The following AK8 variants were observed in gnomAD, a reference collection of about 807,000 sequenced individuals.
AK8 encodes the protein ATP-AMP transphosphorylase 8.
AK8 carries 44 observed loss-of-function variants against 54.6 expected under a neutral mutation model. The ratio of observed to expected loss-of-function variants is 0.81; its 90% CI spans 0.63 to 1.04. AK8 has a LOEUF of 1.04. Ranked by LOEUF, AK8 falls within the 50% of genes least tolerant of loss-of-function variation. The pLI is 0.00. For missense variants in AK8, 555 were observed against 613.6 expected, an observed-to-expected ratio of 0.90 and a Z score of 1.01; for synonymous variants, 239 against 245.6, an observed-to-expected ratio of 0.97 and a Z score of 0.25.
At chr9:132,809,430 A>T (rs1469719690) in intron 10 of AK8, among the ~76,000 whole-genome samples, 1 of 152,092 alleles carries the variant, frequency 6.6e-6, no homozygotes, top group African/African-American at 2.4e-5. Flanking sequence ...TCACTCCACG[A>T]CAGGCCAAGT....
Position 132,878,252 on chromosome 9 carries a change from C to T in AK8, c.4G>A (p.Asp2Asn), listed in dbSNP as rs377315557. M[D>N]ATIAPHRIPP... is the part of the protein sequence containing the mutation. ...ATACGGTGCGGGGCGATAGTGGCGT[C>T]CATGTAGCCGTCTCGGCTCGCCGCT... Residue 2 changes from aspartate (D) to asparagine (N), a missense_variant, in exon 1 of 13, where the codon GAC becomes AAC. Coordinates refer to ENST00000298545, the MANE Select transcript of AK8 (RefSeq NM_152572.3). The surrounding 1 kb of genome is among the most constrained non-coding windows in gnomAD (Gnocchi z 4.7). The T allele has an allele frequency of 4.3e-6, 6 of 1,385,652 alleles. No individual in the cohort carries two copies. In the African/African-American group the frequency reaches 9.0e-5, roughly 21 times the overall value. The allele number at this position is 1,385,652 out of a possible 1,614,324, so 85.8% of individuals were successfully genotyped here. A position where few individuals can be genotyped will look rare whatever the true frequency, so the allele number is the denominator to read the frequency against.
At chr9:132,736,882 G>C (rs1232658519) in intron 11 of AK8, among the ~76,000 whole-genome samples, 1 of 151,348 alleles carries the variant, frequency 6.6e-6, no homozygotes, top group Non-Finnish European at 1.5e-5. Flanking sequence ...AGATACAAAA[G>C]GACAAACATT....
intron 11 of AK8, among the ~76,000 whole-genome samples, chr9:132,735,994 G>A (rs895459932): frequency 5.3e-5 from 8 of 152,148 alleles, no homozygotes; most frequent in East Asian, 1.9e-4. Flanking sequence ...GCATGTTACC[G>A]CACTGAATAC....
chr9:132,761,259 C>CTTT lies in AK8; in HGVS notation c.1121+31372_1121+31374dup, dbSNP rs202041016. The stretch of plus-strand genomic sequence containing the variant: ...GGATTTTCTATTTCTTTTTTCTTTT[C>CTTT]TTTTCTTTTCTTTTTTTTTTTTTTT... On this transcript the variant is annotated intron_variant, in intron 11 of 12. Coordinates refer to ENST00000298545, the MANE Select transcript of AK8 (RefSeq NM_152572.3). Among the ~76,000 whole-genome samples, 76 of 133,310 alleles carry CTTT rather than the reference C, an allele frequency of 5.7e-4. 1 individual carries two copies. Among genetic ancestry groups the CTTT allele is most frequent in the African/African-American group, 1.7e-3 (51 of 29,560 alleles). The allele number at this position is 133,310 out of a possible 152,430, so 87.5% of individuals were successfully genotyped here.
At position 132,762,271 on chromosome 9, in the gene AK8, C is replaced by T. The variant is rs533531254; in HGVS notation, c.1121+30363G>A. ...TCTACCCAAGCTCTGTTAACTATTC[C>T]ATTGGTTTCTGTTCTCTCTCCAGCT... On this transcript the variant is annotated intron_variant, in intron 11 of 12. Transcript: ENST00000298545. Among the ~76,000 whole-genome samples, 5 of 152,244 alleles carry T rather than the reference C, an allele frequency of 3.3e-5. No homozygotes were observed. In the South Asian group the frequency reaches 1.0e-3, roughly 32 times the overall value.
intron 2 of AK8, among the ~76,000 whole-genome samples, chr9:132,872,388 T>C (rs948745248): frequency 2.0e-5 from 3 of 152,298 alleles, no homozygotes; most frequent in African/African-American, 7.2e-5. Flanking sequence ...AGGGCATGCA[T>C]GATTTTCAAA....
chr9:132,790,255 C>CT lies in AK8; in HGVS notation c.1121+2378dup, dbSNP rs769817268. ...GATTTTAAATCACGGAGCTATACTT[C>CT]TTTTTTTTTTTTTGAGACGGAGTCT... On this transcript the variant is annotated intron_variant, in intron 11 of 12. Coordinates refer to ENST00000298545, the MANE Select transcript of AK8 (RefSeq NM_152572.3). The surrounding 1 kb of genome is among the most constrained non-coding windows in gnomAD (Gnocchi z 4.1). Among the ~76,000 whole-genome samples the CT allele has an allele frequency of 0.035, 5,148 of 145,664 alleles. 155 individuals carry two copies. The highest frequency in any genetic ancestry group is 0.086 in the African/African-American group (3,433 of 40,044).
chr9:132,755,679 A>G (rs542481311), intron 11 of AK8, among the ~76,000 whole-genome samples: 2 of 152,306 alleles, frequency 1.3e-5, no homozygotes, highest in Admixed American at 1.3e-4. Context: ...CCGTTGCATT[A>G]TAGCATCCCA....
intron 11 of AK8, among the ~76,000 whole-genome samples, chr9:132,744,613 GATTAAAT>G (rs749134180): frequency 6.4e-4 from 98 of 152,070 alleles, no homozygotes; most frequent in Non-Finnish European, 1.2e-3. Flanking sequence ...ACCTAAATCT[GATTAAAT>G]ATTAATAACC....
intron 5 of AK8, among the ~76,000 whole-genome samples, chr9:132,843,160 C>A (rs1229673903): frequency 3.3e-5 from 5 of 152,160 alleles, no homozygotes. Flanking sequence ...AAAATGTAAT[C>A]CCCATTGCTA....
rs1396578162 is a variant in AK8 at position 132,741,589 on chromosome 9, C to G, written c.1122-14055G>C. Among the ~76,000 whole-genome samples the G allele has an allele frequency of 5.3e-5, 8 of 152,330 alleles. No individual in the cohort carries two copies. The East Asian group carries it at 1.5e-3, about 29-fold the overall frequency. ...AAGAGCTCAGCTGTAAGGGGTGGGTCACCGCAGCCTCCAACTGAAGCATCG... is the reference window on the plus strand; with the variant it reads ...AAGAGCTCAGCTGTAAGGGGTGGGTGACCGCAGCCTCCAACTGAAGCATCG... On this transcript the variant is annotated intron_variant, in intron 11 of 12. Transcript: ENST00000298545.
At chr9:132,794,435 A>G (rs575822627) in intron 10 of AK8, among the ~76,000 whole-genome samples, 33 of 152,232 alleles carry the variant, frequency 2.2e-4, no homozygotes, top group Admixed American at 1.7e-3. Flanking sequence ...TGCCTGGGCC[A>G]GCCTTCAAAC....
rs566158378 is a variant in AK8, at chr9:132,826,378, C to T, written c.757+476G>A. ...ATTGCTGTGGACAGCAACGCAGTGC[C>T]AGGCGCGGGGCCATGTATCTCCATC... On this transcript the variant is annotated intron_variant, in intron 8 of 12. Coordinates refer to ENST00000298545, the MANE Select transcript of AK8 (RefSeq NM_152572.3). The surrounding 1 kb of genome is among the most constrained non-coding windows in gnomAD (Gnocchi z 4.5). Among the ~76,000 whole-genome samples, 8 of 152,338 alleles carry T rather than the reference C, an allele frequency of 5.3e-5. No individual in the cohort carries two copies. In the South Asian group the frequency reaches 1.7e-3, roughly 32 times the overall value.
chr9:132,853,209 T>C (rs1400734841), intron 5 of AK8, among the ~76,000 whole-genome samples: 1 of 150,708 alleles, frequency 6.6e-6, no homozygotes, highest in South Asian at 2.1e-4. Flanking sequence ...AATACAAAAA[T>C]AAGCCAGGCA....
intron 10 of AK8, among the ~76,000 whole-genome samples, chr9:132,810,302 G>A (rs1334760117): frequency 6.6e-6 from 1 of 151,918 alleles, no homozygotes; most frequent in Non-Finnish European, 1.5e-5. Context: ...GAAGATCGAA[G>A]TGATCCGGGT....
chr9:132,809,241 T>C (rs1225575326), intron 10 of AK8, among the ~76,000 whole-genome samples: 3 of 152,114 alleles, frequency 2.0e-5, no homozygotes, highest in African/African-American at 7.2e-5. Flanking sequence ...CAAAGGTATA[T>C]GGGAGAGCAC....
At position 132,775,749 on chromosome 9, in the gene AK8, T is replaced by G. The variant is rs186651608; in HGVS notation, c.1121+16885A>C. ...ATCTCTCCATGGCTCCCTGGAAGCT[T>G]CTTCCCACCTACCCCAGGTACCATG... On this transcript the variant is annotated intron_variant, in intron 11 of 12. Coordinates refer to ENST00000298545, the MANE Select transcript of AK8 (RefSeq NM_152572.3). Among the ~76,000 whole-genome samples, 6 of 152,268 alleles carry G rather than the reference T, an allele frequency of 3.9e-5. No homozygotes were observed. In the East Asian group the frequency reaches 1.2e-3, roughly 29 times the overall value.
rs1043261204 is a variant in AK8 at position 132,825,089 on chromosome 9, G to A, written c.758-1753C>T. On this transcript the variant is annotated intron_variant, in intron 8 of 12. Transcript: ENST00000298545. The stretch of plus-strand genomic sequence containing the variant: ...TTATTCTCAGACCTTCCATAATCCC[G>A]TGCATCTGAAAAGCACAAATACTAC... Among the ~76,000 whole-genome samples, 4 of 152,160 alleles carry A rather than the reference G, an allele frequency of 2.6e-5. No individual in the cohort carries two copies. In the South Asian group the frequency reaches 6.2e-4, roughly 24 times the overall value.
At chr9:132,876,831 G>A (rs1485403128) in intron 1 of AK8, among the ~76,000 whole-genome samples, 1 of 152,140 alleles carries the variant, frequency 6.6e-6, no homozygotes, top group Admixed American at 6.5e-5. Context: ...GGCCGAGGCA[G>A]AAGGACTGTT....
Sources: allele counts gnomAD v4.1 joint callset (sites outside exome capture counted in the v4.1 genomes callset), GRCh38; gene constraint gnomAD v4.1.1; non-coding constraint Gnocchi (gnomAD v3.1); transcripts MANE v1.5; gene names NCBI Gene and HGNC (gene_info 2026-07-23, HGNC 2026-07-21).